PBRM1: variants seen among roughly 807,000 people sequenced by gnomAD.
PBRM1 encodes the protein polybromo 1, also known as protein polybromo-1.
Under a neutral mutation model 194.5 loss-of-function variants are expected in PBRM1, and 27 were observed. That is an observed-to-expected ratio of 0.14 (90% CI 0.10 to 0.19). The LOEUF (loss-of-function observed/expected upper bound fraction) is 0.19. Among genes scored for constraint, PBRM1 ranks in the 10% least tolerant of loss-of-function variants. The pLI is 1.00. For synonymous variants in PBRM1, 655 were observed against 693.2 expected (o/e 0.94, Z 0.87); for missense variants, 1,466 against 2,077.2 (o/e 0.71, Z 5.72).
At chr3:52,550,162 G>A (rs1305504504) in intron 29 of PBRM1, among the ~76,000 whole-genome samples, 1 of 150,338 alleles carries the variant, frequency 6.7e-6, no homozygotes, top group Non-Finnish European at 1.5e-5. Flanking sequence ...AGACTGCAGT[G>A]AGCCAAGATC....
intron 22 of PBRM1, among the ~76,000 whole-genome samples, chr3:52,566,015 A>C (rs1196485560): frequency 6.6e-6 from 1 of 152,112 alleles, no homozygotes; most frequent in Admixed American, 6.6e-5. Context: ...GCGCCACTGC[A>C]CTCCAGCCTG....
chr3:52,666,345 C>T (rs550356870), intron 3 of PBRM1, among the ~76,000 whole-genome samples: 1 of 151,978 alleles, frequency 6.6e-6, no homozygotes, highest in East Asian at 1.9e-4. Flanking sequence ...GAGTTCAGGA[C>T]CAGCCTGGCC....
intron 6 of PBRM1, among the ~76,000 whole-genome samples, chr3:52,649,361 G>C (rs146048329): frequency 5.9e-5 from 9 of 152,080 alleles, no homozygotes; most frequent in Non-Finnish European, 1.3e-4. Context: ...TTCATGCTTG[G>C]GTCTAAAGGG....
At chr3:52,680,446 C>T (rs2097184068), upstream of PBRM1, among the ~76,000 whole-genome samples, 1 of 152,130 alleles carries the variant, frequency 6.6e-6, no homozygotes, top group Admixed American at 6.5e-5. Context: ...AACTAATCAC[C>T]TTTTAGTGAT....
At chr3:52,664,794 G>A (rs1283839621) in intron 3 of PBRM1, among the ~76,000 whole-genome samples, 1 of 151,330 alleles carries the variant, frequency 6.6e-6, no homozygotes, top group Admixed American at 6.6e-5. Context: ...GAAAAGTTAA[G>A]AGAAATGGAG....
chr3:52,653,630 G>C (rs1391571198), intron 5 of PBRM1, among the ~76,000 whole-genome samples: 2 of 151,124 alleles, frequency 1.3e-5, no homozygotes, highest in Non-Finnish European at 2.9e-5. Flanking sequence ...GCAAAATTCT[G>C]GTCAGGCATG....
chr3:52,616,322 T>G (rs564848466), intron 14 of PBRM1, among the ~76,000 whole-genome samples: 2 of 152,312 alleles, frequency 1.3e-5, no homozygotes, highest in East Asian at 3.9e-4. Context: ...AGATGTAAAG[T>G]GGATAAAAAG....
At chr3:52,677,420 T>C (rs1235692837) in intron 2 of PBRM1, among the ~76,000 whole-genome samples, 7 of 68,096 alleles carry the variant, frequency 1.0e-4, no homozygotes, top group Non-Finnish European at 2.7e-4. Context: ...TTTTTTTTTT[T>C]TTTTTTTTTG....
chr3:52,612,790 C>G (rs1422622656), intron 15 of PBRM1, among the ~76,000 whole-genome samples: 1 of 151,572 alleles, frequency 6.6e-6, no homozygotes, highest in Non-Finnish European at 1.5e-5. Flanking sequence ...CCTGTAGTTA[C>G]AGCTACCCTG....
At chr3:52,554,426 G>A (rs771758323) in intron 27 of PBRM1, among the ~76,000 whole-genome samples, 15 of 152,236 alleles carry the variant, frequency 9.9e-5, no homozygotes, top group Non-Finnish European at 1.8e-4. Flanking sequence ...GCTTTTCAAG[G>A]ACATGTCAAA....
At chr3:52,622,306 C>A (rs2095307571) in intron 13 of PBRM1, among the ~76,000 whole-genome samples, 1 of 151,734 alleles carries the variant, frequency 6.6e-6, no homozygotes, top group African/African-American at 2.4e-5. Context: ...CCACTGCACT[C>A]CAGCCTGGGA....
intron 13 of PBRM1, among the ~76,000 whole-genome samples, chr3:52,621,870 A>G (rs1320982617): frequency 6.6e-6 from 1 of 151,620 alleles, no homozygotes; most frequent in Non-Finnish European, 1.5e-5. Context: ...TGGGCAATAC[A>G]GTGAGACACC....
intron 4 of PBRM1, among the ~76,000 whole-genome samples, chr3:52,660,083 A>G (rs1286508350): frequency 6.6e-6 from 1 of 152,152 alleles, no homozygotes; most frequent in African/African-American, 2.4e-5. Context: ...AGAGCAAGAC[A>G]CTGTCTCAAA....
chr3:52,612,231 C>T (rs2153446376), intron 15 of PBRM1, among the ~76,000 whole-genome samples: 1 of 126,062 alleles, frequency 7.9e-6, no homozygotes. Flanking sequence ...CTGACTCCAG[C>T]CTAGGCAACA....
chr3:52,668,570 T>C (rs1317735008), exon 3 of PBRM1: 3 of 1,606,778 alleles, frequency 1.9e-6, no homozygotes, highest in Non-Finnish European at 1.7e-6. Context: ...CATCATACTC[T>C]TCCATTTTTA....
At chr3:52,569,398 G>A (rs1333268293) in intron 22 of PBRM1, among the ~76,000 whole-genome samples, 1 of 152,062 alleles carries the variant, frequency 6.6e-6, no homozygotes, top group Admixed American at 6.6e-5. Context: ...TTTTAGTAAA[G>A]ATGGGGTTTC....
At chr3:52,591,817 CTT>C (rs34822595) in intron 17 of PBRM1, among the ~76,000 whole-genome samples, 85 of 94,930 alleles carry the variant, frequency 9.0e-4, no homozygotes, top group African/African-American at 2.8e-3. Context: ...TGCGCCCGGC[CTT>C]TTTTTTTTTT....
intron 13 of PBRM1, among the ~76,000 whole-genome samples, chr3:52,626,308 T>C (rs1477194608): frequency 6.6e-6 from 1 of 152,230 alleles, no homozygotes; most frequent in Non-Finnish European, 1.5e-5. Flanking sequence ...TTAGTTACCA[T>C]GGTAAAGCTT....
rs938750712 is a variant in PBRM1 at position 52,581,321 on chromosome 3, C to T, written c.3388-2122G>A. Among the ~76,000 whole-genome samples, 5 of 152,194 alleles carry T rather than the reference C, an allele frequency of 3.3e-5. No individual in the cohort carries two copies. In the South Asian group the frequency reaches 6.2e-4, roughly 19 times the overall value. ...GGCCAGGAGTTCGAGACCAGACTGG[C>T]CAACATGGTAAAACCCCATCTCTAT... On this transcript the variant is annotated intron_variant, in intron 20 of 29. Transcript: ENST00000296302.
Sources: allele counts gnomAD v4.1 joint callset (sites outside exome capture counted in the v4.1 genomes callset), GRCh38; gene constraint gnomAD v4.1.1; transcripts MANE v1.5; gene names NCBI Gene and HGNC (gene_info 2026-07-23, HGNC 2026-07-21).